Variants in PEBP4 observed in about 807,000 individuals in gnomAD.
The protein encoded by PEBP4 is phosphatidylethanolamine binding protein 4.
PEBP4 carries 22 observed loss-of-function variants against 23.9 expected under a neutral mutation model. The ratio of observed to expected loss-of-function variants is 0.92; its 90% CI spans 0.66 to 1.31. The LOEUF (loss-of-function observed/expected upper bound fraction) is 1.31. Ranked by LOEUF, PEBP4 falls within the 40% of genes most tolerant of loss-of-function variation. The pLI is 0.00. For synonymous variants in PEBP4, 112 were observed against 99.3 expected, an observed-to-expected ratio of 1.13 and a Z score of -0.76; for missense variants, 324 against 281.7, an observed-to-expected ratio of 1.15 and a Z score of -1.07.
Position 22,788,333 on chromosome 8 carries a change from C to T in PEBP4, c.357+29304G>A, listed in dbSNP as rs147220158. Among the ~76,000 whole-genome samples, 430 of 151,886 alleles carry T rather than the reference C, an allele frequency of 2.8e-3. 1 individual carries two copies. The highest frequency in any genetic ancestry group is 8.6e-3 in the African/African-American group (356 of 41,426). ...GGGACAAAGAAGGAGCAGGGAAAGA[C>T]GAATGAGAAGAGAAGAGGGAGAAAT... On this transcript the variant is annotated intron_variant, in intron 4 of 6. Transcript: ENST00000256404.
In PEBP4 at chr8:22,713,329, TG is replaced by T. The variant is rs1381578401; in HGVS notation, c.*40del. The T allele has an allele frequency of 1.3e-6, 2 of 1,537,914 alleles. No individual in the cohort carries two copies. The highest frequency in any genetic ancestry group is 1.7e-6 in the Non-Finnish European group (2 of 1,144,622). On this transcript the variant is annotated 3_prime_UTR_variant, in exon 7 of 7. Coordinates refer to ENST00000256404, the MANE Select transcript of PEBP4 (RefSeq NM_144962.3). ...GGTTCCATACCCACATCGTCGGTGG[TG>T]GGCAGTGTGGCCACATGCCCGGATG...
In PEBP4 at chr8:22,940,490, CT is replaced by C. The variant is rs761722562; in HGVS notation, c.145-12771del. Among the ~76,000 whole-genome samples the C allele has an allele frequency of 8.1e-4, 89 of 110,006 alleles. 2 individuals carry two copies. The highest frequency in any genetic ancestry group is 7.3e-4 in the East Asian group (3 of 4,094). 72.2% of individuals were successfully genotyped at this position (110,006 alleles called of 152,430 possible). The stretch of plus-strand genomic sequence containing the variant: ...AACACCACCTTTACCATGAATTTCT[CT>C]TTTTTTTTTTTTTTCGAGACGGAGT... On this transcript the variant is annotated intron_variant, in intron 1 of 1. Coordinates refer to the PEBP4 transcript ENST00000522278.
At chr8:22,773,632 CCT>C (rs1805759677) in intron 4 of PEBP4, among the ~76,000 whole-genome samples, 1 of 152,164 alleles carries the variant, frequency 6.6e-6, no homozygotes, top group Non-Finnish European at 1.5e-5. Flanking sequence ...CTTCCTGGCC[CCT>C]GAGAGGGTGC....
chr8:22,761,248 GTGTT>G (rs1289661048), intron 4 of PEBP4, among the ~76,000 whole-genome samples: 11 of 152,176 alleles, frequency 7.2e-5, no homozygotes, highest in Non-Finnish European at 1.2e-4. Context: ...GTGTGTGTGT[GTGTT>G]TGTGTGTGTG....
intron 3 of PEBP4, among the ~76,000 whole-genome samples, chr8:22,905,934 G>A (rs1808802232): frequency 6.6e-6 from 1 of 152,246 alleles, no homozygotes; most frequent in African/African-American, 2.4e-5. Context: ...AAGCTGGCAA[G>A]TTGCTTCACT....
intron 3 of PEBP4, among the ~76,000 whole-genome samples, chr8:22,837,890 C>CTTTTT (rs746772591): frequency 4.6e-5 from 3 of 64,554 alleles, no homozygotes; most frequent in Non-Finnish European, 5.5e-5. Flanking sequence ...TTATTATATT[C>CTTTTT]TTTTTTTTTT....
chr8:22,835,671 C>CG (rs1447350084), intron 3 of PEBP4, among the ~76,000 whole-genome samples: 4 of 152,358 alleles, frequency 2.6e-5, no homozygotes, highest in South Asian at 4.1e-4. Flanking sequence ...ATGGGTCCCC[C>CG]ACTATCCTGG....
intron 4 of PEBP4, among the ~76,000 whole-genome samples, chr8:22,777,477 T>A (rs1358506641): frequency 6.6e-6 from 1 of 152,054 alleles, no homozygotes; most frequent in Non-Finnish European, 1.5e-5. Context: ...CCCTGAGACC[T>A]GAGGAGAGGC....
intron 6 of PEBP4, among the ~76,000 whole-genome samples, chr8:22,714,337 T>C (rs1235066634): frequency 6.6e-6 from 1 of 152,124 alleles, no homozygotes; most frequent in African/African-American, 2.4e-5. Flanking sequence ...CACGTTCTTG[T>C]TTCCCAAACC....
intron 4 of PEBP4, among the ~76,000 whole-genome samples, chr8:22,794,287 G>A (rs1169392839): frequency 1.6e-5 from 2 of 123,760 alleles, no homozygotes; most frequent in Non-Finnish European, 3.5e-5. Flanking sequence ...CCTGTGAGAG[G>A]TACGCACAAT....
Position 22,785,976 on chromosome 8 carries a change from G to A in PEBP4, c.357+31661C>T, listed in dbSNP as rs531835246. On this transcript the variant is annotated intron_variant, in intron 4 of 6. Coordinates refer to ENST00000256404, the MANE Select transcript of PEBP4 (RefSeq NM_144962.3). The stretch of plus-strand genomic sequence containing the variant: ...TCTTTGAACCACAGCTTTCTCGAAC[G>A]TCAAGTAGGGTCAGTGCTTATTTCG... Among the ~76,000 whole-genome samples, 11 of 152,296 alleles carry A rather than the reference G, an allele frequency of 7.2e-5. No individual in the cohort carries two copies. The East Asian group carries it at 1.9e-3, about 27-fold the overall frequency.
upstream of PEBP4, among the ~76,000 whole-genome samples, chr8:22,931,964 C>T (rs543798424): frequency 1.2e-4 from 18 of 152,338 alleles, no homozygotes; most frequent in African/African-American, 3.1e-4. Context: ...CCCTTATCTT[C>T]GCATTGCAGC....
At chr8:22,739,235 C>T (rs1327680773) in intron 4 of PEBP4, among the ~76,000 whole-genome samples, 1 of 152,194 alleles carries the variant, frequency 6.6e-6, no homozygotes, top group Non-Finnish European at 1.5e-5. Flanking sequence ...GTGCTGCCCT[C>T]CTCCCGTGCT....
At chr8:22,905,976 C>G (rs1808803412) in intron 3 of PEBP4, among the ~76,000 whole-genome samples, 1 of 152,164 alleles carries the variant, frequency 6.6e-6, no homozygotes, top group South Asian at 2.1e-4. Context: ...GAATCCAATT[C>G]CAAACCTGAA....
chr8:22,773,993 G>C (rs1805766942), intron 4 of PEBP4, among the ~76,000 whole-genome samples: 2 of 152,154 alleles, frequency 1.3e-5, no homozygotes, highest in African/African-American at 4.8e-5. Context: ...TGACAGGCTA[G>C]ATGGCAAGTC....
intron 3 of PEBP4, among the ~76,000 whole-genome samples, chr8:22,872,685 T>A (rs1808028952): frequency 6.6e-6 from 1 of 152,082 alleles, no homozygotes; most frequent in Non-Finnish European, 1.5e-5. Flanking sequence ...GGTTTAAAAT[T>A]TTTGTTTTTG....
In PEBP4 at chr8:22,745,190, GC is replaced by G. The variant is rs1805086397; in HGVS notation, c.358-17971del. On this transcript the variant is annotated intron_variant, in intron 4 of 6. Coordinates refer to ENST00000256404, the MANE Select transcript of PEBP4 (RefSeq NM_144962.3). Reference sequence around the variant, plus strand: ...TCTTCCCAGCTCTCTCCTGGGTTATGCCCGGGCCTGGGGGCAGAAAGCTTTT... The same window carrying G: ...TCTTCCCAGCTCTCTCCTGGGTTATGCCGGGCCTGGGGGCAGAAAGCTTTT... Among the ~76,000 whole-genome samples the G allele has an allele frequency of 5.3e-5, 8 of 152,354 alleles. 1 individual carries two copies. In the South Asian group the frequency reaches 1.7e-3, roughly 32 times the overall value.
chr8:22,886,849 A>G (rs972063409), intron 3 of PEBP4: 15 of 152,328 alleles, frequency 9.8e-5, no homozygotes, highest in Admixed American at 2.6e-4. Flanking sequence ...GGGAGCAGTT[A>G]GCAGCACTGT....
intron 4 of PEBP4, among the ~76,000 whole-genome samples, chr8:22,809,307 C>T (rs1042828129): frequency 1.3e-5 from 2 of 152,292 alleles, no homozygotes; most frequent in South Asian, 2.1e-4. Context: ...CAATCTCCTG[C>T]GTCCACACTG....
Sources: allele counts gnomAD v4.1 joint callset (sites outside exome capture counted in the v4.1 genomes callset), GRCh38; gene constraint gnomAD v4.1.1; transcripts MANE v1.5; gene names NCBI Gene and HGNC (gene_info 2026-07-23, HGNC 2026-07-21).